Variants in MDGA2 observed in about 807,000 individuals in gnomAD.
MDGA2 encodes MAM domain-containing glycosylphosphatidylinositol anchor protein 2.
Under a neutral mutation model 117.8 loss-of-function variants are expected in MDGA2, and 40 were observed. That is an observed-to-expected ratio of 0.34 (90% confidence interval 0.26 to 0.44). MDGA2 has a LOEUF of 0.44. Ranked by LOEUF, MDGA2 falls within the 20% of genes least tolerant of loss-of-function variation. The pLI is 1.00. For synonymous variants in MDGA2, 452 were observed against 439.0 expected, an observed-to-expected ratio of 1.03 and a Z score of -0.37; for missense variants, 1,123 against 1,250.6, an observed-to-expected ratio of 0.90 and a Z score of 1.54.
intron 1 of MDGA2, among the ~76,000 whole-genome samples, chr14:47,661,398 T>C (rs1486918592): frequency 6.6e-6 from 1 of 152,176 alleles, no homozygotes; most frequent in East Asian, 1.9e-4. Flanking sequence ...GCAATTATTT[T>C]ATGAAAAATT....
chr14:47,286,593 T>C (rs1265583928), intron 2 of MDGA2, among the ~76,000 whole-genome samples: 3 of 152,056 alleles, frequency 2.0e-5, no homozygotes, highest in Admixed American at 1.3e-4. Context: ...TAACATTCCA[T>C]TGTGTGTTTA....
chr14:47,483,242 C>T (rs1051208378), intron 1 of MDGA2, among the ~76,000 whole-genome samples: 5 of 152,024 alleles, frequency 3.3e-5, no homozygotes, highest in African/African-American at 1.2e-4. Flanking sequence ...TGCTATTCTA[C>T]ATTACTTTTA....
At chr14:47,343,669 GTTAT>G (rs948051230) in intron 1 of MDGA2, among the ~76,000 whole-genome samples, 2 of 152,078 alleles carry the variant, frequency 1.3e-5, no homozygotes, top group African/African-American at 2.4e-5. Context: ...ACAAAGGAAA[GTTAT>G]TTATCTCCTT....
intron 1 of MDGA2, among the ~76,000 whole-genome samples, chr14:47,673,577 C>CCACTT (rs1162027678): frequency 6.6e-6 from 1 of 151,540 alleles, no homozygotes; most frequent in African/African-American, 2.4e-5. Context: ...TTGGGCACCA[C>CCACTT]CTGCTTGTCC....
intron 1 of MDGA2, among the ~76,000 whole-genome samples, chr14:47,464,724 A>T (rs1893564204): frequency 6.6e-6 from 1 of 152,204 alleles, no homozygotes; most frequent in Non-Finnish European, 1.5e-5. Flanking sequence ...GATAGGAATA[A>T]TCAATATCAT....
chr14:47,167,075 G>T (rs1416755834), intron 3 of MDGA2, among the ~76,000 whole-genome samples: 2 of 151,904 alleles, frequency 1.3e-5, no homozygotes, highest in Non-Finnish European at 2.9e-5. Flanking sequence ...AGTCACCACT[G>T]GTATGTCTAA....
At chr14:47,526,586 C>T (rs919788319) in intron 1 of MDGA2, among the ~76,000 whole-genome samples, 2 of 152,054 alleles carry the variant, frequency 1.3e-5, no homozygotes, top group Non-Finnish European at 2.9e-5. Context: ...TTTGGTCTCC[C>T]GGGAACAGGT....
intron 6 of MDGA2, among the ~76,000 whole-genome samples, chr14:47,076,017 AC>A (rs1488364163): frequency 6.6e-6 from 1 of 152,126 alleles, no homozygotes; most frequent in Non-Finnish European, 1.5e-5. Flanking sequence ...TCACAAAAAA[AC>A]CCAAAGAATA....
chr14:46,924,390 A>G (rs1203717868), intron 9 of MDGA2, among the ~76,000 whole-genome samples: 1 of 152,110 alleles, frequency 6.6e-6, no homozygotes, highest in African/African-American at 2.4e-5. Flanking sequence ...TGATTTCAGT[A>G]AAGTCAATAC....
chr14:47,611,056 A>G (rs1896838741), intron 1 of MDGA2, among the ~76,000 whole-genome samples: 1 of 151,900 alleles, frequency 6.6e-6, no homozygotes, highest in Non-Finnish European at 1.5e-5. Context: ...AGTAAACCCA[A>G]ATACTTACAG....
intron 14 of MDGA2, among the ~76,000 whole-genome samples, chr14:46,859,557 C>G (rs1881422873): frequency 6.6e-6 from 1 of 152,112 alleles, no homozygotes; most frequent in African/African-American, 2.4e-5. Flanking sequence ...GTGGCAAGGT[C>G]AGGAAATTTT....
intron 4 of MDGA2, among the ~76,000 whole-genome samples, chr14:47,136,191 TTC>T (rs1393234639): frequency 6.7e-6 from 1 of 149,638 alleles, no homozygotes; most frequent in Non-Finnish European, 1.5e-5. Flanking sequence ...AGAAAGTGTT[TTC>T]TCTCTTTTTT....
At chr14:47,243,531 C>T (rs892346964) in intron 2 of MDGA2, among the ~76,000 whole-genome samples, 1 of 151,644 alleles carries the variant, frequency 6.6e-6, no homozygotes, top group East Asian at 1.9e-4. Context: ...TGCAGCTTCA[C>T]TCCTGAGCCC....
At chr14:47,618,685 T>C (rs1236738244) in intron 1 of MDGA2, among the ~76,000 whole-genome samples, 3 of 152,324 alleles carry the variant, frequency 2.0e-5, no homozygotes, top group Non-Finnish European at 4.4e-5. Context: ...TCTAGTACTT[T>C]TAACTGGCCA....
At chr14:46,873,880 T>C in intron 13 of MDGA2, 165 bp downstream of exon 13, 1 of 640,240 alleles carries the variant, frequency 1.6e-6, no homozygotes, top group Non-Finnish European at 2.4e-6. Context: ...TGAGAAAAAA[T>C]TAATGTCTAC....
At position 47,316,331 on chromosome 14, in the gene MDGA2, A is replaced by G. The variant is rs141717362; in HGVS notation, c.281-14781T>C. ...CTTCTCAATAATTTCTACAAAATCC[A>G]AAGAAACCAAAAATAAGTACATTTG... is the stretch of plus-strand genomic sequence containing the variant. On this transcript the variant is annotated intron_variant, in intron 1 of 16. Transcript: ENST00000399232. Among the ~76,000 whole-genome samples the G allele has an allele frequency of 5.7e-4, 87 of 152,250 alleles. No homozygotes were observed. In the East Asian group the frequency reaches 0.015, roughly 26 times the overall value.
intron 1 of MDGA2, among the ~76,000 whole-genome samples, chr14:47,489,128 T>A (rs1728490815): frequency 6.6e-6 from 1 of 152,052 alleles, no homozygotes; most frequent in South Asian, 2.1e-4. Flanking sequence ...CTTGTTAGTC[T>A]ATAATAATTT....
chr14:47,023,409 G>A (rs1482694708), intron 8 of MDGA2, among the ~76,000 whole-genome samples: 1 of 152,058 alleles, frequency 6.6e-6, no homozygotes, highest in Non-Finnish European at 1.5e-5. Context: ...ACCTTAAGGA[G>A]TACTACTAAC....
intron 7 of MDGA2, among the ~76,000 whole-genome samples, chr14:47,051,013 T>C (rs1179326473): frequency 3.3e-5 from 5 of 151,992 alleles, no homozygotes; most frequent in Non-Finnish European, 7.4e-5. Flanking sequence ...TTGCAACACC[T>C]GTCAACAATG....
Sources: gnomAD v4.1 joint callset for allele counts (sites outside exome capture counted in the v4.1 genomes callset) on GRCh38, gnomAD v4.1.1 for gene constraint, MANE v1.5 for transcripts, NCBI Gene and HGNC (gene_info 2026-07-23, HGNC 2026-07-21) for gene names.